EFNA5: variants seen among roughly 807,000 people sequenced by gnomAD.
EFNA5 encodes ephrin A5, also known as ephrin-A5.
A neutral mutation model predicts 22.9 loss-of-function variants in EFNA5; 5 were observed. The ratio of observed to expected loss-of-function variants is 0.22; its 90% CI spans 0.11 to 0.46. The LOEUF (loss-of-function observed/expected upper bound fraction) is 0.46, where lower values mean the gene tolerates loss of function less well. EFNA5 is among the 20% of genes least tolerant of loss of function. The pLI is 0.99. For missense variants in EFNA5, 237 were observed against 293.3 expected (o/e 0.81, Z 1.40); for synonymous variants, 113 against 112.2 (o/e 1.01, Z -0.04).
chr5:107,549,950 T>C (rs1047177381), intron 1 of EFNA5, among the ~76,000 whole-genome samples: 1 of 152,274 alleles, frequency 6.6e-6, no homozygotes, highest in African/African-American at 2.4e-5. Context: ...TCTCTGGAAA[T>C]GGAAGTCATT....
chr5:107,499,827 A>C (rs1283094908), intron 1 of EFNA5, among the ~76,000 whole-genome samples: 1 of 152,186 alleles, frequency 6.6e-6, no homozygotes, highest in African/African-American at 2.4e-5. Flanking sequence ...AGGGAGAAAA[A>C]AAATTACCAA....
intron 1 of EFNA5, among the ~76,000 whole-genome samples, chr5:107,545,522 G>A (rs951342501): frequency 1.3e-5 from 2 of 152,174 alleles, no homozygotes; most frequent in African/African-American, 4.8e-5. Context: ...TTCTATACTT[G>A]CATCCATTCA....
chr5:107,411,712 T>C (rs1331486789), intron 2 of EFNA5, among the ~76,000 whole-genome samples: 1 of 152,176 alleles, frequency 6.6e-6, no homozygotes, highest in Admixed American at 6.5e-5. Flanking sequence ...GGTGCAATCA[T>C]GGCTCACACC....
intron 1 of EFNA5, among the ~76,000 whole-genome samples, chr5:107,540,106 T>C (rs1435818588): frequency 1.4e-5 from 2 of 147,626 alleles, no homozygotes; most frequent in African/African-American, 2.5e-5. Context: ...ATCTGACAGA[T>C]GGACTCAAGG....
chr5:107,460,499 A>C (rs152579), intron 1 of EFNA5, among the ~76,000 whole-genome samples: 84,632 of 151,680 alleles, frequency 0.56, 24,084 homozygotes, highest in East Asian at 0.7. Context: ...CACAGCAAGC[A>C]TATCAGTGTA....
intron 1 of EFNA5, among the ~76,000 whole-genome samples, chr5:107,651,367 T>C (rs1322655835): frequency 1.3e-5 from 2 of 152,168 alleles, no homozygotes; most frequent in Admixed American, 6.6e-5. Context: ...AGTCAATTCC[T>C]AGAGGGGCAC....
intron 1 of EFNA5, among the ~76,000 whole-genome samples, chr5:107,524,968 A>G (rs1242696168): frequency 6.6e-6 from 1 of 152,230 alleles, no homozygotes; most frequent in East Asian, 1.9e-4. Flanking sequence ...GATTAGGCAT[A>G]TATGTTTATA....
At chr5:107,661,080 G>A (rs1249253415) in intron 1 of EFNA5, among the ~76,000 whole-genome samples, 3 of 150,284 alleles carry the variant, frequency 2.0e-5, no homozygotes, top group African/African-American at 7.4e-5. Context: ...AAAAGAAAAG[G>A]CCTTTAACAA....
chr5:107,412,160 T>C (rs192683038), intron 2 of EFNA5, among the ~76,000 whole-genome samples: 1 of 152,330 alleles, frequency 6.6e-6, no homozygotes, highest in Admixed American at 6.5e-5. Flanking sequence ...ATACTAACTT[T>C]GGGCGACTTA....
intron 1 of EFNA5, among the ~76,000 whole-genome samples, chr5:107,502,652 G>A (rs546910027): frequency 4.3e-4 from 66 of 152,284 alleles, no homozygotes; most frequent in African/African-American, 1.4e-3. Flanking sequence ...GAACGTGGCC[G>A]TGCTCGAAGT....
chr5:107,550,597 G>A (rs1311922397), intron 1 of EFNA5, among the ~76,000 whole-genome samples: 4 of 152,138 alleles, frequency 2.6e-5, no homozygotes, highest in Non-Finnish European at 5.9e-5. Flanking sequence ...TAATAAGGCA[G>A]TTATAATTTT....
intron 1 of EFNA5, among the ~76,000 whole-genome samples, chr5:107,657,326 G>A (rs1419641230): frequency 1.3e-5 from 2 of 151,936 alleles, no homozygotes; most frequent in African/African-American, 4.8e-5. Context: ...TTTTTTAGGA[G>A]CCACTTAAGT....
chr5:107,487,509 CTG>C (rs1561408512), intron 1 of EFNA5, among the ~76,000 whole-genome samples: 1 of 152,180 alleles, frequency 6.6e-6, no homozygotes, highest in Non-Finnish European at 1.5e-5. Context: ...ATCTGCATGG[CTG>C]TGTCCATGAG....
At chr5:107,496,360 AAC>A in intron 1 of EFNA5, among the ~76,000 whole-genome samples, 2 of 150,486 alleles carry the variant, frequency 1.3e-5, no homozygotes, top group African/African-American at 4.9e-5. Context: ...AAAACAAAAA[AAC>A]AAAAAACAAC....
chr5:107,443,973 C>T (rs1749328752), intron 1 of EFNA5, among the ~76,000 whole-genome samples: 1 of 152,204 alleles, frequency 6.6e-6, no homozygotes, highest in Non-Finnish European at 1.5e-5. Context: ...CCAAGACAAA[C>T]TCTGGTAATG....
At chr5:107,591,983 A>AAT (rs372347946) in intron 1 of EFNA5, among the ~76,000 whole-genome samples, 22 of 24,882 alleles carry the variant, frequency 8.8e-4, no homozygotes, top group East Asian at 4.2e-3. Context: ...TATAATATAT[A>AAT]ATATATAATA....
chr5:107,533,656 G>A (rs956527507), intron 1 of EFNA5, among the ~76,000 whole-genome samples: 1 of 152,144 alleles, frequency 6.6e-6, no homozygotes, highest in Non-Finnish European at 1.5e-5. Flanking sequence ...TTAGATCCAT[G>A]CAGTTAAACA....
chr5:107,508,714 T>G (rs1747300987), intron 1 of EFNA5, among the ~76,000 whole-genome samples: 1 of 152,202 alleles, frequency 6.6e-6, no homozygotes, highest in South Asian at 2.1e-4. Context: ...ATTTTCAGAG[T>G]ATACTAAACA....
chr5:107,457,132 T>G (rs1470903686), intron 1 of EFNA5, among the ~76,000 whole-genome samples: 1 of 152,214 alleles, frequency 6.6e-6, no homozygotes, highest in Non-Finnish European at 1.5e-5. Context: ...GAAAGGCCCC[T>G]TTTGTCATTT....
Sources: allele counts gnomAD v4.1 joint callset (sites outside exome capture counted in the v4.1 genomes callset), GRCh38; gene constraint gnomAD v4.1.1; transcripts MANE v1.5; gene names NCBI Gene and HGNC (gene_info 2026-07-23, HGNC 2026-07-21).